Variants in DENND1A observed in about 807,000 individuals in gnomAD.
The protein encoded by DENND1A is DENN domain-containing protein 1A.
Under a neutral mutation model 113.7 loss-of-function variants are expected in DENND1A, and 51 were observed. The observed-to-expected ratio is 0.45, with a 90% confidence interval of 0.36 to 0.57. The LOEUF (loss-of-function observed/expected upper bound fraction) is 0.57. Ranked by LOEUF, DENND1A falls within the 20% of genes least tolerant of loss-of-function variation. The probability of loss-of-function intolerance (pLI) is 0.00; values close to 1 mark genes in which losing one functional copy is unlikely to be tolerated. For missense variants in DENND1A, 1,258 were observed against 1,395.9 expected, an observed-to-expected ratio of 0.90 and a Z score of 1.57; for synonymous variants, 565 against 570.8, an observed-to-expected ratio of 0.99 and a Z score of 0.14.
intron 9 of DENND1A, among the ~76,000 whole-genome samples, chr9:123,638,110 C>T (rs2061816213): frequency 6.6e-6 from 1 of 152,060 alleles, no homozygotes; most frequent in Non-Finnish European, 1.5e-5. Context: ...AAGCTATCTA[C>T]TAGAGTAATT....
intron 19 of DENND1A, among the ~76,000 whole-genome samples, chr9:123,413,013 C>T (rs573906400): frequency 6.0e-4 from 91 of 152,264 alleles, no homozygotes; most frequent in Middle Eastern, 3.4e-3. Flanking sequence ...GTGAAACCCC[C>T]ATCTATACAA....
intron 12 of DENND1A, among the ~76,000 whole-genome samples, chr9:123,574,719 T>C (rs2058542462): frequency 6.6e-6 from 1 of 152,146 alleles, no homozygotes; most frequent in Non-Finnish European, 1.5e-5. Flanking sequence ...TTTCCACTTA[T>C]CACTAGAGAG....
At chr9:123,583,909 A>C (rs977164584) in intron 11 of DENND1A, among the ~76,000 whole-genome samples, 2 of 152,230 alleles carry the variant, frequency 1.3e-5, no homozygotes, top group African/African-American at 4.8e-5. Flanking sequence ...TCATGCCTAC[A>C]AGGTTTTCAT....
chr9:123,538,388 G>A (rs1470831133), intron 13 of DENND1A, among the ~76,000 whole-genome samples: 1 of 152,144 alleles, frequency 6.6e-6, no homozygotes, highest in Non-Finnish European at 1.5e-5. Flanking sequence ...CAACTCAGTA[G>A]CAATGAGTAT....
chr9:123,648,582 T>C (rs1268657789), intron 9 of DENND1A, among the ~76,000 whole-genome samples: 2 of 152,220 alleles, frequency 1.3e-5, no homozygotes, highest in Non-Finnish European at 2.9e-5. Flanking sequence ...TTTTTTTATA[T>C]GGCAAATCTC....
chr9:123,794,258 T>C (rs1833445375), intron 2 of DENND1A, among the ~76,000 whole-genome samples: 1 of 151,922 alleles, frequency 6.6e-6, no homozygotes, highest in Non-Finnish European at 1.5e-5. Flanking sequence ...TCTACCAGTG[T>C]ACAGTGAGGG....
chr9:123,777,781 C>T (rs1433832617), intron 3 of DENND1A, among the ~76,000 whole-genome samples: 2 of 152,188 alleles, frequency 1.3e-5, no homozygotes, highest in East Asian at 1.9e-4. Flanking sequence ...TGTTAGCCAC[C>T]GTCAACAAAC....
chr9:123,655,991 G>A (rs1427538232), intron 8 of DENND1A, among the ~76,000 whole-genome samples: 1 of 152,210 alleles, frequency 6.6e-6, no homozygotes, highest in Non-Finnish European at 1.5e-5. Context: ...CTCTGGGGTG[G>A]GAGGGACATT....
intron 5 of DENND1A, among the ~76,000 whole-genome samples, chr9:123,750,567 C>T (rs981210476): frequency 6.6e-6 from 1 of 152,228 alleles, no homozygotes; most frequent in African/African-American, 2.4e-5. Context: ...ATCAATCTGC[C>T]TTAGCAGTGG....
chr9:123,819,229 A>G (rs1250692049), intron 2 of DENND1A, among the ~76,000 whole-genome samples: 2 of 152,256 alleles, frequency 1.3e-5, no homozygotes, highest in African/African-American at 2.4e-5. Context: ...TCTTAACATT[A>G]CACACCATAC....
chr9:123,610,534 C>T (rs1195183671), intron 10 of DENND1A, among the ~76,000 whole-genome samples: 1 of 152,192 alleles, frequency 6.6e-6, no homozygotes, highest in African/African-American at 2.4e-5. Context: ...ACTCCCCATG[C>T]AATGCTTTCC....
At chr9:123,637,346 G>C (rs916029951) in intron 9 of DENND1A, among the ~76,000 whole-genome samples, 1 of 152,206 alleles carries the variant, frequency 6.6e-6, no homozygotes, top group East Asian at 1.9e-4. Flanking sequence ...TGTGTCTTGG[G>C]AAGTTGTTCC....
chr9:123,884,333 T>C (rs949758379), intron 1 of DENND1A, among the ~76,000 whole-genome samples: 1 of 152,212 alleles, frequency 6.6e-6, no homozygotes, highest in Non-Finnish European at 1.5e-5. Context: ...CATGTAATGA[T>C]GCTGAGAATG....
intron 18 of DENND1A, among the ~76,000 whole-genome samples, chr9:123,449,153 C>T (rs192637846): frequency 6.6e-6 from 1 of 152,294 alleles, no homozygotes; most frequent in East Asian, 1.9e-4. Flanking sequence ...TCTGTTTACT[C>T]ATGAAATGGG....
At chr9:123,747,664 A>G (rs1191907723) in intron 5 of DENND1A, among the ~76,000 whole-genome samples, 1 of 152,216 alleles carries the variant, frequency 6.6e-6, no homozygotes, top group Non-Finnish European at 1.5e-5. Flanking sequence ...GTTTTAAGAT[A>G]CATGTAATTT....
At chr9:123,787,980 A>C (rs1832446077) in intron 3 of DENND1A, among the ~76,000 whole-genome samples, 1 of 152,134 alleles carries the variant, frequency 6.6e-6, no homozygotes, top group African/African-American at 2.4e-5. Flanking sequence ...TCTAAACAGC[A>C]ATCTACATAT....
At chr9:123,903,319 G>A (rs375704715) in intron 1 of DENND1A, among the ~76,000 whole-genome samples, 1,246 of 110,288 alleles carry the variant, frequency 0.011, 26 homozygotes, top group African/African-American at 0.047. Context: ...GCGACAGAGC[G>A]AGACTCCGTC....
At chr9:123,536,278 T>G (rs2055759286) in intron 13 of DENND1A, among the ~76,000 whole-genome samples, 1 of 152,116 alleles carries the variant, frequency 6.6e-6, no homozygotes, top group Non-Finnish European at 1.5e-5. Context: ...AAGACCAGCC[T>G]GGCCAACATT....
At chr9:123,864,217 A>C (rs1845496240) in intron 2 of DENND1A, among the ~76,000 whole-genome samples, 1 of 152,226 alleles carries the variant, frequency 6.6e-6, no homozygotes, top group African/African-American at 2.4e-5. Flanking sequence ...GCATTATCCA[A>C]GTTTTATTTG....
Sources: gnomAD v4.1 joint callset for allele counts (sites outside exome capture counted in the v4.1 genomes callset) on GRCh38, gnomAD v4.1.1 for gene constraint, MANE v1.5 for transcripts, NCBI Gene and HGNC (gene_info 2026-07-23, HGNC 2026-07-21) for gene names.